SOAT1: variants seen among roughly 807,000 people sequenced by gnomAD.
SOAT1 encodes the protein acyl-coenzyme A:cholesterol acyltransferase 1.
Under a neutral mutation model 69.5 loss-of-function variants are expected in SOAT1, and 55 were observed. The observed-to-expected ratio is 0.79, with a 90% CI of 0.64 to 0.99. The LOEUF (loss-of-function observed/expected upper bound fraction) is 0.99, where lower values mean the gene tolerates loss of function less well. Among genes scored for constraint, SOAT1 ranks in the 50% least tolerant of loss-of-function variants. The pLI is 0.00. For missense variants in SOAT1, 580 were observed against 669.3 expected (o/e 0.87, Z 1.47); for synonymous variants, 231 against 224.7 (o/e 1.03, Z -0.25).
intron 2 of SOAT1, among the ~76,000 whole-genome samples, chr1:179,318,624 C>T (rs1472640083): frequency 2.6e-5 from 4 of 152,080 alleles, no homozygotes; most frequent in African/African-American, 9.7e-5. Flanking sequence ...TTTGCCATAA[C>T]CCCGCGCCTC....
intron 1 of SOAT1, among the ~76,000 whole-genome samples, chr1:179,296,276 G>A (rs1044195027): frequency 1.3e-5 from 2 of 152,184 alleles, no homozygotes; most frequent in Middle Eastern, 3.4e-3. Flanking sequence ...GCCTGTAAAT[G>A]AAACTTTATA....
chr1:179,313,308 A>G (rs1177581816), intron 2 of SOAT1, among the ~76,000 whole-genome samples: 7 of 152,182 alleles, frequency 4.6e-5, no homozygotes, highest in African/African-American at 1.2e-4. Flanking sequence ...ACGTTGTTCA[A>G]TATGGTTGCC....
intron 12 of SOAT1, among the ~76,000 whole-genome samples, chr1:179,348,156 T>TA (rs1445169005): frequency 6.6e-6 from 1 of 152,226 alleles, no homozygotes; most frequent in African/African-American, 2.4e-5. Flanking sequence ...ATAGTATCCT[T>TA]ATGCTTCTAA....
At chr1:179,324,324 G>GCATA (rs1191047867) in intron 3 of SOAT1, among the ~76,000 whole-genome samples, 2 of 152,150 alleles carry the variant, frequency 1.3e-5, no homozygotes, top group Non-Finnish European at 2.9e-5. Context: ...AAGGCCAGGG[G>GCATA]CATAGTATTT....
rs754249728 is a variant in SOAT1 at position 179,341,270 on chromosome 1, C to T, written c.740C>T (p.Thr247Ile). The T allele has an allele frequency of 6.2e-7, 1 of 1,614,092 alleles. No homozygotes were observed. The highest frequency in any genetic ancestry group is 1.1e-5 in the South Asian group (1 of 91,080). Residue 247 changes from threonine to isoleucine, a missense_variant, in exon 7 of 16, where the codon ACA (threonine) becomes ATA (isoleucine). By Grantham distance (89) the Thr-to-Ile change is moderately conservative (BLOSUM62 -1). Coordinates refer to ENST00000367619, the MANE Select transcript of SOAT1 (RefSeq NM_003101.6). ...CCAACATATGTTGTGTTAGCATATA[C>T]ACTGCCACCAGCTTCCCGGTTCATC... ...FGPTYVVLAYTLPPASRFIII... is the reference protein window; with the variant it reads ...FGPTYVVLAYILPPASRFIII...
intron 5 of SOAT1, 123 bp from the exon 6 acceptor site, chr1:179,339,315 T>G: frequency 1.9e-6 from 1 of 531,066 alleles, no homozygotes; most frequent in Non-Finnish European, 3.2e-6. Context: ...TTTGAGATGT[T>G]TTTGGAGAGT....
chr1:179,300,140 G>T, intron 1 of SOAT1, among the ~76,000 whole-genome samples: 1 of 150,760 alleles, frequency 6.6e-6, no homozygotes. Flanking sequence ...CCCATCATCT[G>T]GCCAGAAAAA....
intron 15 of SOAT1, 97 bp from the exon 16 acceptor site, chr1:179,353,488 G>A: frequency 9.6e-7 from 1 of 1,041,020 alleles, no homozygotes; most frequent in Non-Finnish European, 1.5e-6. Flanking sequence ...GCATTTTAGA[G>A]ATGTACAATG....
At chr1:179,340,104 T>A (rs1666284476) in intron 6 of SOAT1, among the ~76,000 whole-genome samples, 1 of 152,244 alleles carries the variant, frequency 6.6e-6, no homozygotes, top group Non-Finnish European at 1.5e-5. Flanking sequence ...ATATGACTTA[T>A]TAACTTTTTG....
rs1162260815 is a variant in SOAT1 at position 179,299,745 on chromosome 1, C to CTTTTTTTTTTTTTTTT, written c.-8-2921_-8-2906dup. ...ATTTATTTTTTAATCATTTTGCTAT[C>CTTTTTTTTTTTTTTTT]TTTTTTTTTTTTTTTTTTTTTTTTT... On this transcript the variant is annotated intron_variant, in intron 1 of 15. Transcript: ENST00000367619. 3.2e-4 allele frequency among the ~76,000 whole-genome samples: 22 copies of CTTTTTTTTTTTTTTTT among 69,520 alleles called. 3 individuals are homozygous for CTTTTTTTTTTTTTTTT. The highest frequency in any genetic ancestry group is 4.3e-4 in the Non-Finnish European group (17 of 39,850). The allele number at this position is 69,520 out of a possible 152,430, so 45.6% of individuals were successfully genotyped here.
chr1:179,315,926 C>T (rs895601431), intron 2 of SOAT1, among the ~76,000 whole-genome samples: 1 of 152,156 alleles, frequency 6.6e-6, no homozygotes, highest in Non-Finnish European at 1.5e-5. Flanking sequence ...ATGGTCTGGT[C>T]ATAGAACTAA....
intron 3 of SOAT1, 29 bp from the exon 4 acceptor site, chr1:179,335,477 C>A: frequency 6.3e-7 from 1 of 1,592,148 alleles, no homozygotes; most frequent in Non-Finnish European, 8.6e-7. Context: ...TATTAGTTCC[C>A]CATCTTTTTC....
Position 179,335,515 on chromosome 1 carries a change from C to T in SOAT1, c.187C>T (p.Pro63Ser), listed in dbSNP as rs1666115806. ...KLTAEAEELK[P>S]FFMKEVGSHF... ...TGTTTTAAAATTCTAGGAATTGAAGCCATTTTTTATGAAGGAAGTTGGCAG... is the reference window on the plus strand; with the variant it reads ...TGTTTTAAAATTCTAGGAATTGAAGTCATTTTTTATGAAGGAAGTTGGCAG... Residue 63 changes from proline to serine, a missense_variant, in exon 4 of 16, where the codon CCA (proline) becomes TCA (serine). Coordinates refer to ENST00000367619, the MANE Select transcript of SOAT1 (RefSeq NM_003101.6). 6.2e-7 allele frequency: 1 copy of T among 1,607,708 alleles called. No homozygotes were observed. The highest frequency in any genetic ancestry group is 1.3e-5 in the African/African-American group (1 of 74,524).
chr1:179,302,801 T>TGGTGAGGCTTAATTTTTTTTTTTTA lies in SOAT1; in HGVS notation c.118+5_118+29dup. 1 of 1,550,042 alleles carries TGGTGAGGCTTAATTTTTTTTTTTTA rather than the reference T, an allele frequency of 6.5e-7. No individual in the cohort carries two copies. The highest frequency in any genetic ancestry group is 1.2e-5 in the South Asian group (1 of 82,460). ...AGGAGTCCCTAGAGACACCTAGTAA[T>TGGTGAGGCTTAATTTTTTTTTTTTA]GGTGAGGCTTAATTTTTTTTTTTTA... On this transcript the variant is annotated stop_gained and frameshift_variant and splice_region_variant, in exon 2 of 16. Transcript: ENST00000367619. LOFTEE classifies it high-confidence loss of function.
At chr1:179,333,833 CAA>C (rs11378989) in intron 3 of SOAT1, among the ~76,000 whole-genome samples, 27,533 of 133,554 alleles carry the variant, frequency 0.21, 3,280 homozygotes, top group East Asian at 0.41. Flanking sequence ...AACTCCGTCT[CAA>C]AAAAAAAAAA....
At chr1:179,318,083 T>TA (rs1202299578) in intron 2 of SOAT1, among the ~76,000 whole-genome samples, 1 of 151,958 alleles carries the variant, frequency 6.6e-6, no homozygotes, top group African/African-American at 2.4e-5. Flanking sequence ...TGGTCCCAGC[T>TA]AGCGGGGCGG....
chr1:179,339,852 T>C lies in SOAT1; in HGVS notation c.497+307T>C, dbSNP rs555848516. 4.7e-4 allele frequency among the ~76,000 whole-genome samples: 72 copies of C among 152,354 alleles called. 1 individual carries two copies. The South Asian group carries it at 8.7e-3, about 18-fold the overall frequency. ...CACGGGTTTGAACTGTGCATGTCTA[T>C]TTATACACAGAATTTTTTCAATCAA... On this transcript the variant is annotated intron_variant, in intron 6 of 15. Coordinates refer to ENST00000367619, the MANE Select transcript of SOAT1 (RefSeq NM_003101.6).
At chr1:179,349,020 G>A in intron 13 of SOAT1, 78 bp downstream of exon 13, 2 of 803,362 alleles carry the variant, frequency 2.5e-6, no homozygotes, top group Middle Eastern at 2.4e-4. Context: ...TATACAGCTG[G>A]AAGAAGTTAT....
At position 179,341,480 on chromosome 1, in the gene SOAT1, T is replaced by G. The variant is rs187011110; in HGVS notation, c.780+170T>G. ...GTTAAACTAGAATCATCTCACCTCTTAAGTTTCATTGTAGCTTCCATGTTC... is the reference window on the plus strand; with the variant it reads ...GTTAAACTAGAATCATCTCACCTCTGAAGTTTCATTGTAGCTTCCATGTTC... On this transcript the variant is annotated intron_variant, in intron 7 of 15. Coordinates refer to ENST00000367619, the MANE Select transcript of SOAT1 (RefSeq NM_003101.6). Among the ~76,000 whole-genome samples, 4 of 152,326 alleles carry G rather than the reference T, an allele frequency of 2.6e-5. No individual in the cohort carries two copies. In the East Asian group the frequency reaches 7.7e-4, roughly 29 times the overall value.
Sources: allele counts gnomAD v4.1 joint callset (sites outside exome capture counted in the v4.1 genomes callset), GRCh38; gene constraint gnomAD v4.1.1; transcripts MANE v1.5; gene names NCBI Gene and HGNC (gene_info 2026-07-23, HGNC 2026-07-21).